ATXN10: variants seen among roughly 807,000 people sequenced by gnomAD.
ATXN10 encodes ataxin 10.
Under a neutral mutation model 52.9 loss-of-function variants are expected in ATXN10, and 28 were observed. That is an observed-to-expected ratio of 0.53 (90% CI 0.39 to 0.73). The LOEUF (loss-of-function observed/expected upper bound fraction) is 0.73. ATXN10 is among the 30% of genes least tolerant of loss of function. ATXN10 has a pLI of 0.00. For synonymous variants in ATXN10, 226 were observed against 221.5 expected, an observed-to-expected ratio of 1.02 and a Z score of -0.18; for missense variants, 565 against 577.0, an observed-to-expected ratio of 0.98 and a Z score of 0.21.
At chr22:45,713,282 A>G (rs530358544) in intron 5 of ATXN10, among the ~76,000 whole-genome samples, 9 of 152,304 alleles carry the variant, frequency 5.9e-5, no homozygotes, top group Admixed American at 4.6e-4. Flanking sequence ...TTTAAAATCA[A>G]TCATAAATGA....
At chr22:45,753,170 C>T (rs777637998) in intron 9 of ATXN10, among the ~76,000 whole-genome samples, 1 of 151,496 alleles carries the variant, frequency 6.6e-6, no homozygotes, top group Non-Finnish European at 1.5e-5. Context: ...TTCCCTCTTC[C>T]CTTAACCCCT....
rs531059819 is a variant in ATXN10, at chr22:45,780,861, A to G, written c.1174-26098A>G. ...AGCTAAATACATCCAGAACCCTGTC[A>G]TCATATATGAAACAATCATGGAAAC... is the stretch of plus-strand genomic sequence containing the variant. On this transcript the variant is annotated intron_variant, in intron 9 of 11. Transcript: ENST00000252934. The surrounding 1 kb of genome is among the most constrained non-coding windows in gnomAD (Gnocchi z 4.0). Among the ~76,000 whole-genome samples the G allele has an allele frequency of 6.6e-6, 1 of 152,280 alleles. No homozygotes were observed. Among genetic ancestry groups the G allele is most frequent in the South Asian group, 2.1e-4 (1 of 4,826 alleles).
At chr22:45,742,480 A>G (rs1375647154) in intron 9 of ATXN10, among the ~76,000 whole-genome samples, 2 of 152,098 alleles carry the variant, frequency 1.3e-5, no homozygotes, top group African/African-American at 2.4e-5. Context: ...TAGAAACTAT[A>G]AAAAAGAACC....
At chr22:45,714,979 G>A (rs1924391584) in intron 5 of ATXN10, among the ~76,000 whole-genome samples, 1 of 152,094 alleles carries the variant, frequency 6.6e-6, no homozygotes, top group African/African-American at 2.4e-5. Context: ...CTCCGTCCTT[G>A]CCCTAGTCCC....
chr22:45,737,445 A>C (rs921255830), intron 7 of ATXN10, among the ~76,000 whole-genome samples: 2 of 152,286 alleles, frequency 1.3e-5, no homozygotes, highest in Admixed American at 1.3e-4. Flanking sequence ...ACTCGTTTTA[A>C]CATGGTACTA....
chr22:45,718,384 A>T lies in ATXN10; in HGVS notation c.648-29A>T. ...TGTCTCTTTTACTATGTTTCAAGTA[A>T]CCAAACTTTCCTCCTCTTTTTTCCC... is the stretch of plus-strand genomic sequence containing the variant. On this transcript the variant is annotated intron_variant, in intron 5 of 11. Transcript: ENST00000252934. This position sits in a 1 kb window ranked among gnomAD's most constrained non-coding sequence, Gnocchi z 4.4. The T allele has an allele frequency of 6.4e-7, 1 of 1,567,958 alleles. No homozygotes were observed. The highest frequency in any genetic ancestry group is 8.8e-7 in the Non-Finnish European group (1 of 1,138,020).
At chr22:45,832,698 C>T (rs946808226) in intron 10 of ATXN10, among the ~76,000 whole-genome samples, 3 of 152,230 alleles carry the variant, frequency 2.0e-5, no homozygotes, top group Non-Finnish European at 4.4e-5. Context: ...GTAAGATTAA[C>T]AGTTTGAATT....
At position 45,843,057 on chromosome 22, in the gene ATXN10, T is replaced by G; in HGVS notation, c.1304T>G (p.Leu435Trp). Reference protein sequence around the residue: ...LTEDNSQNQDLIAKMEEQGLA... With the variant: ...LTEDNSQNQDWIAKMEEQGLA... ...GAAGACAACAGCCAAAACCAAGATT[T>G]GATTGCAAAGATGGAGGAACAGGGG... Residue 435 changes from leucine (L) to tryptophan (W), a missense_variant, in exon 11 of 12, where the codon TTG becomes TGG. Physicochemically the swap from Leu to Trp is moderately conservative, Grantham distance 61. Coordinates refer to ENST00000252934, the MANE Select transcript of ATXN10 (RefSeq NM_013236.4). This position sits in a 1 kb window ranked among gnomAD's most constrained non-coding sequence, Gnocchi z 4.5. The G allele has an allele frequency of 6.2e-7, 1 of 1,614,184 alleles. No individual in the cohort carries two copies.
At chr22:45,702,917 A>C (rs771260043) in intron 5 of ATXN10, 70 bp downstream of exon 5, 16 of 1,594,274 alleles carry the variant, frequency 1.0e-5, no homozygotes, top group Non-Finnish European at 1.4e-5. Flanking sequence ...CAGAGGTTTT[A>C]AGTAAAAATT....
chr22:45,793,866 C>T, intron 9 of ATXN10: 3 of 1,280,602 alleles, frequency 2.3e-6, no homozygotes, highest in Non-Finnish European at 9.9e-7. Context: ...TGGTAAACAG[C>T]AACTTTGATT....
chr22:45,737,806 C>G (rs1308802892), intron 7 of ATXN10, among the ~76,000 whole-genome samples: 1 of 146,712 alleles, frequency 6.8e-6, no homozygotes, highest in East Asian at 2.1e-4. Flanking sequence ...TGAAACGATT[C>G]TACTGCCTCA....
At chr22:45,674,366 G>A (rs907812758) in intron 1 of ATXN10, 1 of 152,340 alleles carries the variant, frequency 6.6e-6, no homozygotes, top group Admixed American at 6.5e-5. Flanking sequence ...GTGAACTGAT[G>A]TGCAGGTCCT....
Position 45,842,741 on chromosome 22 carries a change from A to C in ATXN10, c.1238-250A>C, listed in dbSNP as rs780904412. ...TCATTCATTCAACAAATACTGAGTAAATCTCTCTGGGTGCCCGTGGCTGGA... is the reference window on the plus strand; with the variant it reads ...TCATTCATTCAACAAATACTGAGTACATCTCTCTGGGTGCCCGTGGCTGGA... On this transcript the variant is annotated intron_variant, in intron 10 of 11. Coordinates refer to ENST00000252934, the MANE Select transcript of ATXN10 (RefSeq NM_013236.4). The surrounding 1 kb of genome is among the most constrained non-coding windows in gnomAD (Gnocchi z 4.8). 1.7e-4 allele frequency among the ~76,000 whole-genome samples: 26 copies of C among 152,078 alleles called. No homozygotes were observed. Among genetic ancestry groups the C allele is most frequent in the Non-Finnish European group, 3.5e-4 (24 of 68,016 alleles).
At chr22:45,702,331 T>C (rs1601596340) in intron 4 of ATXN10, among the ~76,000 whole-genome samples, 1 of 152,230 alleles carries the variant, frequency 6.6e-6, no homozygotes, top group East Asian at 1.9e-4. Context: ...ATTAAAGCAG[T>C]GCCAGCAGTC....
chr22:45,811,984 A>T (rs1047537975), intron 10 of ATXN10, among the ~76,000 whole-genome samples: 7 of 152,150 alleles, frequency 4.6e-5, no homozygotes, highest in Non-Finnish European at 1.0e-4. Flanking sequence ...CTTCATTTGT[A>T]TCCAGTGCTG....
At chr22:45,758,279 C>G (rs1008462403) in intron 9 of ATXN10, among the ~76,000 whole-genome samples, 3 of 152,226 alleles carry the variant, frequency 2.0e-5, no homozygotes, top group Non-Finnish European at 4.4e-5. Flanking sequence ...AGCATAGGTA[C>G]TTGACAGACC....
At chr22:45,764,345 A>G (rs1926508662) in intron 9 of ATXN10, among the ~76,000 whole-genome samples, 1 of 151,338 alleles carries the variant, frequency 6.6e-6, no homozygotes. Flanking sequence ...GGCTCCTGGT[A>G]AGTTTCCGTG....
Position 45,762,623 on chromosome 22 carries a change from G to A in ATXN10, c.1173+22085G>A, listed in dbSNP as rs1446159753. Among the ~76,000 whole-genome samples, 2 of 152,166 alleles carry A rather than the reference G, an allele frequency of 1.3e-5. No homozygotes were observed. The highest frequency in any genetic ancestry group is 4.8e-5 in the African/African-American group (2 of 41,444). ...AGAGTGTATGTGTTTAGGCCACAGG[G>A]AGAGCACAGACTCCCAGAGCATGAA... On this transcript the variant is annotated intron_variant, in intron 9 of 11. Coordinates refer to ENST00000252934, the MANE Select transcript of ATXN10 (RefSeq NM_013236.4). This position sits in a 1 kb window ranked among gnomAD's most constrained non-coding sequence, Gnocchi z 4.3.
At position 45,816,217 on chromosome 22, in the gene ATXN10, G is replaced by T. The variant is rs1312742891; in HGVS notation, c.1237+9195G>T. Among the ~76,000 whole-genome samples, 1 of 152,138 alleles carries T rather than the reference G, an allele frequency of 6.6e-6. No homozygotes were observed. Among genetic ancestry groups the T allele is most frequent in the African/African-American group, 2.4e-5 (1 of 41,430 alleles). On this transcript the variant is annotated intron_variant, in intron 10 of 11. Coordinates refer to ENST00000252934, the MANE Select transcript of ATXN10 (RefSeq NM_013236.4). This position sits in a 1 kb window ranked among gnomAD's most constrained non-coding sequence, Gnocchi z 5.8. ...GTAGTGAGCTGAGATTGTGTCATTG[G>T]CACGCCAGCCTGGGTGTTGCAGCAA...
Sources: allele counts gnomAD v4.1 joint callset (sites outside exome capture counted in the v4.1 genomes callset), GRCh38; gene constraint gnomAD v4.1.1; non-coding constraint Gnocchi (gnomAD v3.1); transcripts MANE v1.5; gene names NCBI Gene and HGNC (gene_info 2026-07-23, HGNC 2026-07-21).